Variants in DCBLD2 observed in about 807,000 individuals in gnomAD.
DCBLD2 encodes the protein discoidin, CUB and LCCL domain containing 2.
DCBLD2 carries 54 observed loss-of-function variants against 86.8 expected under a neutral mutation model. That is an observed-to-expected ratio of 0.62 (90% CI 0.50 to 0.78). DCBLD2 has a LOEUF of 0.78. DCBLD2 is among the 30% of genes least tolerant of loss of function. The probability of loss-of-function intolerance (pLI) is 0.00; values close to 1 mark genes in which losing one functional copy is unlikely to be tolerated. For missense variants in DCBLD2, 908 were observed against 954.2 expected (o/e 0.95, Z 0.64); for synonymous variants, 354 against 341.3 (o/e 1.04, Z -0.41).
chr3:98,887,727 G>A (rs1943586754), intron 1 of DCBLD2, among the ~76,000 whole-genome samples: 1 of 151,894 alleles, frequency 6.6e-6, no homozygotes, highest in African/African-American at 2.4e-5. Context: ...AGAAAGAACA[G>A]ATATTTGTCA....
chr3:98,892,292 T>A (rs1409248496), intron 1 of DCBLD2, among the ~76,000 whole-genome samples: 1 of 152,056 alleles, frequency 6.6e-6, no homozygotes, highest in African/African-American at 2.4e-5. Context: ...AGAACTTCTT[T>A]AAAATACAGT....
At chr3:98,891,480 T>C (rs1035433073) in intron 1 of DCBLD2, among the ~76,000 whole-genome samples, 1 of 152,064 alleles carries the variant, frequency 6.6e-6, no homozygotes, top group Non-Finnish European at 1.5e-5. Flanking sequence ...TTTCCCCACT[T>C]TCTATCTTTT....
chr3:98,836,618 C>T (rs1942456879), intron 3 of DCBLD2, among the ~76,000 whole-genome samples: 6 of 142,028 alleles, frequency 4.2e-5, no homozygotes, highest in South Asian at 2.2e-4. Flanking sequence ...GCACACCTCC[C>T]AGACGGGGCG....
intron 3 of DCBLD2, among the ~76,000 whole-genome samples, chr3:98,839,179 T>TCTTTCTTC (rs1559781604): frequency 1.8e-5 from 2 of 113,164 alleles, no homozygotes; most frequent in Admixed American, 1.7e-4. Context: ...TTCCTTTCTT[T>TCTTTCTTC]CTTCCTTCCT....
rs773103338 is a variant in DCBLD2 at position 98,825,269 on chromosome 3, A to G, written c.623+46T>C. On this transcript the variant is annotated intron_variant, in intron 4 of 15. Transcript: ENST00000326840. ...GAAAATGAAGAAGTGAATGAAAAGT[A>G]ACATTTAAGCAAAAAAAAAAAAAAA... 41 of 1,354,914 alleles carry G rather than the reference A, an allele frequency of 3.0e-5. No individual in the cohort carries two copies. In the East Asian group the frequency reaches 1.1e-3, roughly 36 times the overall value. The allele number at this position is 1,354,914 out of a possible 1,614,324, so 83.9% of individuals were successfully genotyped here.
At chr3:98,805,130 A>G (rs1941810345) in intron 13 of DCBLD2, 1 of 152,220 alleles carries the variant, frequency 6.6e-6, no homozygotes, top group Admixed American at 6.6e-5. Context: ...TGCTTTTCCT[A>G]CTGGGAAACA....
At chr3:98,870,098 T>C (rs779899692) in intron 2 of DCBLD2, among the ~76,000 whole-genome samples, 1 of 151,050 alleles carries the variant, frequency 6.6e-6, no homozygotes, top group East Asian at 1.9e-4. Flanking sequence ...CTTTAATCCA[T>C]CTTGAGTAAA....
chr3:98,884,592 AAGAC>A (rs1315052146), intron 1 of DCBLD2, among the ~76,000 whole-genome samples: 1 of 152,058 alleles, frequency 6.6e-6, no homozygotes, highest in African/African-American at 2.4e-5. Context: ...CTACCACCCT[AAGAC>A]AGAGTTCCTA....
At chr3:98,863,653 T>C (rs1318203629) in intron 2 of DCBLD2, among the ~76,000 whole-genome samples, 1 of 152,200 alleles carries the variant, frequency 6.6e-6, no homozygotes, top group Non-Finnish European at 1.5e-5. Flanking sequence ...GAAAACTGGC[T>C]AGCCATATGT....
At chr3:98,822,049 AC>A (rs1313455839) in intron 6 of DCBLD2, 178 bp downstream of exon 6, 2 of 806,482 alleles carry the variant, frequency 2.5e-6, no homozygotes, top group Non-Finnish European at 2.1e-6. Context: ...TCTGTCTCAA[AC>A]AAAACAAAAC....
At chr3:98,857,106 G>A (rs2439213) in intron 2 of DCBLD2, among the ~76,000 whole-genome samples, 54,421 of 151,908 alleles carry the variant, frequency 0.36, 9,858 homozygotes, top group Non-Finnish European at 0.38. Flanking sequence ...TGGTGGGTTC[G>A]TGGTCTCACT....
intron 9 of DCBLD2, chr3:98,813,642 AG>A (rs1186811612): frequency 6.6e-6 from 1 of 152,180 alleles, no homozygotes; most frequent in Admixed American, 6.5e-5. Context: ...CTGGAATTAC[AG>A]GTGTGAGCTA....
In DCBLD2 at chr3:98,822,293, ACT is replaced by A. The variant is rs764389332; in HGVS notation, c.763_764del (p.Ser255CysfsTer4). The A allele has an allele frequency of 2.6e-5, 42 of 1,613,964 alleles. No individual in the cohort carries two copies. The highest frequency in any genetic ancestry group is 3.5e-5 in the Non-Finnish European group (41 of 1,179,858). On this transcript the variant is annotated frameshift_variant, in exon 6 of 16. Transcript: ENST00000326840. LOFTEE classifies it high-confidence loss of function. Reference sequence around the variant, plus strand: ...AGGGGATACCTTTACTAATTACAACACTGATTTGGCCGCCCAACGTGTTTGAC... The same window carrying A: ...AGGGGATACCTTTACTAATTACAACAGATTTGGCCGCCCAACGTGTTTGAC... ...VVSNTLGGQISVVISKGIPYY... is the reference protein window; with the variant it reads ...VVSNTLGGQIXVVISKGIPYY...
At chr3:98,888,104 CT>C (rs1943593359) in intron 1 of DCBLD2, among the ~76,000 whole-genome samples, 1 of 151,960 alleles carries the variant, frequency 6.6e-6, no homozygotes, top group Non-Finnish European at 1.5e-5. Flanking sequence ...GGATTGGCTG[CT>C]TTCATTTAGT....
Position 98,822,362 on chromosome 3 carries a change from C to G in DCBLD2, c.697-1G>C. On this transcript the variant is annotated splice_acceptor_variant, in intron 5 of 15. Transcript: ENST00000326840. LOFTEE classifies it high-confidence loss of function. The stretch of plus-strand genomic sequence containing the variant: ...CACCAGCCATGCACAATGGCGAGGA[C>G]TTAAGGAAGGGAAAAGAAAAGATTC... 6.2e-7 allele frequency: 1 copy of G among 1,607,672 alleles called. No individual in the cohort carries two copies. Among genetic ancestry groups the G allele is most frequent in the Non-Finnish European group, 8.5e-7 (1 of 1,178,202 alleles).
chr3:98,899,241 A>G (rs981459510), intron 1 of DCBLD2, among the ~76,000 whole-genome samples: 1 of 150,026 alleles, frequency 6.7e-6, no homozygotes, highest in African/African-American at 2.4e-5. Context: ...TTGTCTGATT[A>G]GACTGGCTAT....
intron 2 of DCBLD2, among the ~76,000 whole-genome samples, chr3:98,875,050 A>G (rs1199935118): frequency 6.6e-6 from 1 of 152,230 alleles, no homozygotes; most frequent in Non-Finnish European, 1.5e-5. Flanking sequence ...GTAGTCCTGG[A>G]CTGGAGGTGT....
At chr3:98,885,397 G>A (rs1434393392) in intron 1 of DCBLD2, among the ~76,000 whole-genome samples, 1 of 148,744 alleles carries the variant, frequency 6.7e-6, no homozygotes. Context: ...GTTCAAAAGG[G>A]AAGGCTAGAC....
chr3:98,844,060 A>ACACACACACACC (rs1202862255), intron 3 of DCBLD2, among the ~76,000 whole-genome samples: 1 of 143,216 alleles, frequency 7.0e-6, no homozygotes, highest in East Asian at 2.0e-4. Flanking sequence ...ACACACACAC[A>ACACACACACACC]CACCCCAATT....
Sources: gnomAD v4.1 joint callset for allele counts (sites outside exome capture counted in the v4.1 genomes callset) on GRCh38, gnomAD v4.1.1 for gene constraint, MANE v1.5 for transcripts, NCBI Gene and HGNC (gene_info 2026-07-23, HGNC 2026-07-21) for gene names.